Variants in SNX8 observed in about 807,000 individuals in gnomAD.
The protein encoded by SNX8 is sorting nexin-8.
Under a neutral mutation model 51.6 loss-of-function variants are expected in SNX8, and 25 were observed. That is an observed-to-expected ratio of 0.48 (90% CI 0.35 to 0.68). The LOEUF (loss-of-function observed/expected upper bound fraction) is 0.68. Among genes scored for constraint, SNX8 ranks in the 30% least tolerant of loss-of-function variants. The probability of loss-of-function intolerance (pLI) is 0.00; values close to 1 mark genes in which losing one functional copy is unlikely to be tolerated. For missense variants in SNX8, 695 were observed against 624.0 expected (o/e 1.11, Z -1.21); for synonymous variants, 324 against 277.0 (o/e 1.17, Z -1.68).
chr7:2,339,890 T>C (rs1270493204), intron 1 of SNX8, among the ~76,000 whole-genome samples: 1 of 152,118 alleles, frequency 6.6e-6, no homozygotes, highest in Admixed American at 6.6e-5. Flanking sequence ...ACGTGGTAGA[T>C]AACAGAGATT....
chr7:2,269,610 T>C lies in SNX8; in HGVS notation c.570A>G (p.Ala190=). 6.2e-7 allele frequency: 1 copy of C among 1,602,278 alleles called. No individual in the cohort carries two copies. Residue 190 remains alanine, a synonymous_variant, in exon 5 of 11, where the codon GCA becomes GCG. Transcript: ENST00000222990. The part of the protein sequence containing the change: ...SDVQNKLKES[A]QCVGDEFLNC... ...TCAGGAATTCGTCCCCGACGCACTG[T>C]GCTGACTCCTTTAACTTGTTCTGCA...
At position 2,282,235 on chromosome 7, in the gene SNX8, G is replaced by C. The variant is rs1000363326; in HGVS notation, c.95-3930C>G. Among the ~76,000 whole-genome samples the C allele has an allele frequency of 2.6e-5, 4 of 152,306 alleles. No individual in the cohort carries two copies. In the South Asian group the frequency reaches 6.2e-4, roughly 24 times the overall value. On this transcript the variant is annotated intron_variant, in intron 1 of 10. Coordinates refer to ENST00000222990, the MANE Select transcript of SNX8 (RefSeq NM_013321.4). ...AAACTCAGAATGCATTCCCCTCTCA[G>C]CAAGTTTTCGGTGGCGGTCAGCTCC...
At chr7:2,296,775 C>G (rs1796282273) in intron 1 of SNX8, among the ~76,000 whole-genome samples, 1 of 151,404 alleles carries the variant, frequency 6.6e-6, no homozygotes, top group African/African-American at 2.4e-5. Flanking sequence ...TACAAAAATA[C>G]AAAAATTAGC....
At chr7:2,276,987 C>T (rs531999760) in intron 2 of SNX8, among the ~76,000 whole-genome samples, 1 of 152,342 alleles carries the variant, frequency 6.6e-6, no homozygotes, top group South Asian at 2.1e-4. Context: ...TTACCCAGGA[C>T]CATCTGCTCA....
At chr7:2,328,828 G>A (rs1229117306) in intron 1 of SNX8, among the ~76,000 whole-genome samples, 2 of 151,962 alleles carry the variant, frequency 1.3e-5, no homozygotes, top group Non-Finnish European at 2.9e-5. Flanking sequence ...GCTCACGCCT[G>A]TAATCCCAGC....
rs555149047 is a variant in SNX8, at chr7:2,276,514, T to G, written c.301-1285A>C. Among the ~76,000 whole-genome samples the G allele has an allele frequency of 5.3e-5, 8 of 152,084 alleles. No homozygotes were observed. In the South Asian group the frequency reaches 1.7e-3, roughly 32 times the overall value. ...CAGGGAGGGGAGACCGGCTCGCTTG[T>G]CCTTAAGGCCAGGTGCAGTGGCTCA... On this transcript the variant is annotated intron_variant, in intron 2 of 10. Transcript: ENST00000222990.
intron 1 of SNX8, among the ~76,000 whole-genome samples, chr7:2,333,758 A>G (rs1778778990): frequency 6.6e-6 from 1 of 152,244 alleles, no homozygotes; most frequent in African/African-American, 2.4e-5. Context: ...TGAATGAATC[A>G]ATGTCGATTT....
chr7:2,346,583 T>TAA (rs756442228), intron 1 of SNX8, among the ~76,000 whole-genome samples: 2 of 150,386 alleles, frequency 1.3e-5, no homozygotes, highest in Non-Finnish European at 3.0e-5. Context: ...CCGTCTCTAC[T>TAA]AAAATACAAA....
chr7:2,267,458 G>C (rs1477511053), intron 5 of SNX8, among the ~76,000 whole-genome samples: 2 of 133,706 alleles, frequency 1.5e-5, no homozygotes, highest in South Asian at 5.4e-4. Context: ...GAATGCCTGC[G>C]ATTGCAGGCA....
At chr7:2,339,417 G>A (rs1398643100) in intron 1 of SNX8, among the ~76,000 whole-genome samples, 1 of 151,540 alleles carries the variant, frequency 6.6e-6, no homozygotes, top group Non-Finnish European at 1.5e-5. Context: ...CACCATGTTG[G>A]CCAAGATGGT....
intron 1 of SNX8, among the ~76,000 whole-genome samples, chr7:2,340,379 C>T (rs997979879): frequency 6.6e-6 from 1 of 151,776 alleles, no homozygotes; most frequent in East Asian, 1.9e-4. Context: ...GCCTACACTA[C>T]AAAACTTTTA....
chr7:2,326,399 C>T (rs1440344356), intron 1 of SNX8, among the ~76,000 whole-genome samples: 3 of 152,068 alleles, frequency 2.0e-5, no homozygotes, highest in Admixed American at 2.0e-4. Flanking sequence ...GGCACGGTGG[C>T]TCACGCCTGT....
intron 1 of SNX8, among the ~76,000 whole-genome samples, chr7:2,311,319 T>C (rs1364749462): frequency 6.6e-6 from 1 of 152,254 alleles, no homozygotes; most frequent in Non-Finnish European, 1.5e-5. Flanking sequence ...AGTGAACGTG[T>C]AAGTCACACA....
chr7:2,262,165 G>T (rs868643827), intron 7 of SNX8, among the ~76,000 whole-genome samples: 28 of 152,274 alleles, frequency 1.8e-4, no homozygotes, highest in South Asian at 8.3e-4. Context: ...AGCCTCGTGA[G>T]TAGCTGGGAC....
At chr7:2,353,301 C>G (rs1222608871) in intron 1 of SNX8, among the ~76,000 whole-genome samples, 1 of 152,068 alleles carries the variant, frequency 6.6e-6, no homozygotes, top group Non-Finnish European at 1.5e-5. Context: ...GGAGGATTCT[C>G]TTGAGGCTGG....
rs1795657539 is a variant in SNX8, at chr7:2,271,976, A to C, written c.419-5T>G. 1 of 1,613,796 alleles carries C rather than the reference A, an allele frequency of 6.2e-7. No homozygotes were observed. The highest frequency in any genetic ancestry group is 1.1e-5 in the South Asian group (1 of 91,088). On this transcript the variant is annotated splice_region_variant and splice_polypyrimidine_tract_variant and intron_variant, in intron 3 of 10. Transcript: ENST00000222990. ...CCTCGATGAACTCCCTGTCAGCTGG[A>C]GGAGCACACGGGGTCACTGGACAGA...
intron 1 of SNX8, among the ~76,000 whole-genome samples, chr7:2,296,351 G>A (rs988317429): frequency 6.6e-6 from 1 of 151,928 alleles, no homozygotes; most frequent in African/African-American, 2.4e-5. Context: ...ATTGTAAATG[G>A]GAATGAGTTC....
At chr7:2,263,466 G>T in intron 6 of SNX8, 104 bp from the exon 7 acceptor site, 1 of 1,194,598 alleles carries the variant, frequency 8.4e-7, no homozygotes, top group Non-Finnish European at 1.2e-6. Context: ...GGCAACCTGC[G>T]TGACCCCGTC....
chr7:2,285,001 A>G lies in SNX8; in HGVS notation c.95-6696T>C, dbSNP rs192153947. Among the ~76,000 whole-genome samples, 601 of 151,990 alleles carry G rather than the reference A, an allele frequency of 4.0e-3. 5 individuals are homozygous for G. Among genetic ancestry groups the G allele is most frequent in the African/African-American group, 0.014 (563 of 41,510 alleles). On this transcript the variant is annotated intron_variant, in intron 1 of 10. Coordinates refer to ENST00000222990, the MANE Select transcript of SNX8 (RefSeq NM_013321.4). ...GCTGAGGTGGGCGGATCACAAGGTC[A>G]GGAGATCGAGACCATCCTGGCTAAC...
Sources: gnomAD v4.1 joint callset for allele counts (sites outside exome capture counted in the v4.1 genomes callset) on GRCh38, gnomAD v4.1.1 for gene constraint, MANE v1.5 for transcripts, NCBI Gene and HGNC (gene_info 2026-07-23, HGNC 2026-07-21) for gene names.